Variants in RBMS3 observed in about 807,000 individuals in gnomAD.
RBMS3 encodes RNA binding motif single stranded interacting protein 3.
RBMS3 carries 27 observed loss-of-function variants against 66.8 expected under a neutral mutation model. The observed-to-expected ratio is 0.40, with a 90% CI of 0.30 to 0.56. The LOEUF (loss-of-function observed/expected upper bound fraction) is 0.56. Ranked by LOEUF, RBMS3 falls within the 20% of genes least tolerant of loss-of-function variation. The pLI, the probability that RBMS3 is intolerant of heterozygous loss-of-function variation, is 0.40. For missense variants in RBMS3, 513 were observed against 549.5 expected, an observed-to-expected ratio of 0.93 and a Z score of 0.66; for synonymous variants, 188 against 183.0, an observed-to-expected ratio of 1.03 and a Z score of -0.22.
intron 10 of RBMS3, among the ~76,000 whole-genome samples, chr3:29,912,198 T>C (rs571296616): frequency 6.6e-6 from 1 of 152,202 alleles, no homozygotes; most frequent in East Asian, 1.9e-4. Flanking sequence ...GTTTATTCCA[T>C]ATAGTTCGCA....
At chr3:29,598,036 A>C (rs17546786) in intron 4 of RBMS3, among the ~76,000 whole-genome samples, 10,312 of 152,206 alleles carry the variant, frequency 0.068, 387 homozygotes, top group Non-Finnish European at 0.085. Context: ...TGAAATCATC[A>C]CCGTTAAAAA....
intron 1 of RBMS3, among the ~76,000 whole-genome samples, chr3:29,389,100 A>T (rs1329936437): frequency 6.6e-6 from 1 of 152,204 alleles, no homozygotes; most frequent in Non-Finnish European, 1.5e-5. Context: ...CAGCAGAATC[A>T]GTTTGGTGCT....
chr3:29,820,188 C>CAAAAAAAAAAAAAAAAAAAAAAAAAA (rs71091078), intron 6 of RBMS3, among the ~76,000 whole-genome samples: 1 of 69,820 alleles, frequency 1.4e-5, no homozygotes, highest in Non-Finnish European at 2.5e-5. Context: ...GACTTCTTCT[C>CAAAAAAAAAAAAAAAAAAAAAAAAAA]AAAAAAAAAA....
chr3:29,620,980 G>T (rs2048846355), intron 4 of RBMS3, among the ~76,000 whole-genome samples: 1 of 152,036 alleles, frequency 6.6e-6, no homozygotes, highest in Non-Finnish European at 1.5e-5. Flanking sequence ...TTAAGACTAA[G>T]AAATAGAATA....
intron 1 of RBMS3, among the ~76,000 whole-genome samples, chr3:29,422,614 A>G (rs1475838983): frequency 2.0e-5 from 3 of 152,062 alleles, no homozygotes; most frequent in African/African-American, 7.2e-5. Context: ...ATTATAATAA[A>G]TTTGATAATG....
intron 14 of RBMS3, among the ~76,000 whole-genome samples, chr3:29,997,821 G>A (rs534029293): frequency 6.6e-6 from 1 of 152,172 alleles, no homozygotes; most frequent in East Asian, 1.9e-4. Flanking sequence ...CATACTGAAT[G>A]GGCAAAAACT....
rs1270997919 is a variant in RBMS3 at position 29,281,151 on chromosome 3, T to C, written c.-531T>C. ...TTTTTTTCTTCCTTTTTTTCTTTTTTTTTTTCTTTTTCCCCTTTCTTTTTC... is the reference window on the plus strand; with the variant it reads ...TTTTTTTCTTCCTTTTTTTCTTTTTCTTTTTCTTTTTCCCCTTTCTTTTTC... On this transcript the variant is annotated 5_prime_UTR_variant, in exon 1 of 15. Coordinates refer to ENST00000383767, the MANE Select transcript of RBMS3 (RefSeq NM_001003793.3). 2.1e-4 allele frequency: 31 copies of C among 149,858 alleles called. No homozygotes were observed. In the East Asian group the frequency reaches 3.7e-3, roughly 18 times the overall value. 9.3% of individuals were successfully genotyped at this position (149,858 alleles called of 1,614,324 possible).
chr3:29,731,375 G>T (rs1320188712), intron 4 of RBMS3, among the ~76,000 whole-genome samples: 1 of 152,146 alleles, frequency 6.6e-6, no homozygotes, highest in South Asian at 2.1e-4. Context: ...GAAAAAATTG[G>T]CAGTCACCTT....
At chr3:29,526,125 G>C (rs1047173333) in intron 3 of RBMS3, 3 of 152,130 alleles carry the variant, frequency 2.0e-5, no homozygotes, top group Admixed American at 1.3e-4. Context: ...GCATCATCTG[G>C]GAGCTTGTTG....
chr3:29,369,871 T>TA (rs1181683603), intron 1 of RBMS3, among the ~76,000 whole-genome samples: 2 of 152,228 alleles, frequency 1.3e-5, no homozygotes, highest in Non-Finnish European at 2.9e-5. Context: ...TTTACAGTGA[T>TA]AAGTTTTCTT....
intron 1 of RBMS3, among the ~76,000 whole-genome samples, chr3:29,308,677 T>C (rs1221304005): frequency 6.8e-6 from 1 of 147,778 alleles, no homozygotes; most frequent in Non-Finnish European, 1.5e-5. Context: ...AAAGGAATGG[T>C]ATGGCCAAAG....
At chr3:29,285,825 G>C (rs977610263) in intron 1 of RBMS3, among the ~76,000 whole-genome samples, 1 of 152,136 alleles carries the variant, frequency 6.6e-6, no homozygotes, top group African/African-American at 2.4e-5. Flanking sequence ...TGAAGGAAGA[G>C]AGGCTTCCAC....
At chr3:29,455,244 T>C (rs541073386) in intron 2 of RBMS3, among the ~76,000 whole-genome samples, 1 of 152,334 alleles carries the variant, frequency 6.6e-6, no homozygotes, top group South Asian at 2.1e-4. Flanking sequence ...TTTTCATCTC[T>C]TCTGTTAGCC....
intron 1 of RBMS3, among the ~76,000 whole-genome samples, chr3:29,346,750 G>C (rs1269644692): frequency 1.3e-5 from 2 of 152,238 alleles, no homozygotes; most frequent in South Asian, 2.1e-4. Flanking sequence ...ATCGGTTTTA[G>C]AGATTATTAA....
chr3:29,405,019 A>T lies in RBMS3; in HGVS notation c.76-29724A>T, dbSNP rs183093352. On this transcript the variant is annotated intron_variant, in intron 1 of 14. Coordinates refer to ENST00000383767, the MANE Select transcript of RBMS3 (RefSeq NM_001003793.3). ...TGGAAGAAAACATTTATCTAGAGTT[A>T]AAAACCACAATAACCATGGATAAAT... Among the ~76,000 whole-genome samples, 622 of 152,272 alleles carry T rather than the reference A, an allele frequency of 4.1e-3. 3 individuals are homozygous for T. Among genetic ancestry groups the T allele is most frequent in the African/African-American group, 0.014 (601 of 41,562 alleles).
chr3:29,637,080 C>A (rs544122593), intron 4 of RBMS3, among the ~76,000 whole-genome samples: 2 of 151,888 alleles, frequency 1.3e-5, no homozygotes, highest in Non-Finnish European at 2.9e-5. Flanking sequence ...CTTTTATTTA[C>A]AATGATGCCA....
chr3:29,461,568 G>A (rs141717633), intron 2 of RBMS3, among the ~76,000 whole-genome samples: 4 of 152,310 alleles, frequency 2.6e-5, no homozygotes, highest in Non-Finnish European at 4.4e-5. Flanking sequence ...TTACAACACC[G>A]TATAGGACTG....
chr3:29,760,252 A>AACACAC (rs139553062), intron 5 of RBMS3, among the ~76,000 whole-genome samples: 256 of 148,428 alleles, frequency 1.7e-3, no homozygotes, highest in East Asian at 5.2e-3. Flanking sequence ...ATGTAGAATA[A>AACACAC]ACACACACAC....
chr3:29,653,505 A>T (rs1165114771), intron 4 of RBMS3, among the ~76,000 whole-genome samples: 2 of 152,124 alleles, frequency 1.3e-5, no homozygotes, highest in African/African-American at 4.8e-5. Flanking sequence ...ACACGCAGTG[A>T]TATCAGAATT....
Sources: gnomAD v4.1 joint callset for allele counts (sites outside exome capture counted in the v4.1 genomes callset) on GRCh38, gnomAD v4.1.1 for gene constraint, MANE v1.5 for transcripts, NCBI Gene and HGNC (gene_info 2026-07-23, HGNC 2026-07-21) for gene names.